Variants in MTHFD1L observed in about 807,000 individuals in gnomAD.
MTHFD1L encodes the protein methylenetetrahydrofolate dehydrogenase (NADP+ dependent) 1 like.
MTHFD1L carries 81 observed loss-of-function variants against 119.5 expected under a neutral mutation model. The ratio of observed to expected loss-of-function variants is 0.68; its 90% confidence interval spans 0.57 to 0.82. MTHFD1L has a LOEUF of 0.82. Ranked by LOEUF, MTHFD1L falls within the 40% of genes least tolerant of loss-of-function variation. The pLI is 0.00. For synonymous variants in MTHFD1L, 430 were observed against 475.2 expected, an observed-to-expected ratio of 0.90 and a Z score of 1.24; for missense variants, 1,125 against 1,253.4, an observed-to-expected ratio of 0.90 and a Z score of 1.55.
chr6:151,017,602 C>T (rs899217795), intron 24 of MTHFD1L, among the ~76,000 whole-genome samples: 4 of 152,120 alleles, frequency 2.6e-5, no homozygotes, highest in African/African-American at 9.7e-5. Flanking sequence ...ACCTCGGCTT[C>T]CCAAAGTGCT....
chr6:151,068,321 G>A (rs990801678), intron 26 of MTHFD1L, among the ~76,000 whole-genome samples: 2 of 152,246 alleles, frequency 1.3e-5, no homozygotes, highest in African/African-American at 2.4e-5. Flanking sequence ...GACCCTTTAA[G>A]AGGAACTTGA....
In MTHFD1L at chr6:150,940,083, T is replaced by TTTGTCAAGGTTC. The variant is rs2128947070; in HGVS notation, c.1440+1340_1440+1341insGTCAAGGTTCTT. On this transcript the variant is annotated intron_variant, in intron 13 of 27. Coordinates refer to ENST00000367321, the MANE Select transcript of MTHFD1L (RefSeq NM_015440.5). ...CTCTTTACCCAGTTTAGTCAAGGTT[T>TTTGTCAAGGTTC]TTTGTCAAGGTTCTTCTCTACCCCA... Among the ~76,000 whole-genome samples the TTTGTCAAGGTTC allele has an allele frequency of 2.0e-5, 3 of 152,276 alleles. No homozygotes were observed. In the South Asian group the frequency reaches 6.2e-4, roughly 32 times the overall value.
intron 27 of MTHFD1L, among the ~76,000 whole-genome samples, chr6:151,096,231 T>C (rs935309540): frequency 1.3e-5 from 2 of 152,334 alleles, no homozygotes; most frequent in Non-Finnish European, 1.5e-5. Context: ...TCATAATTCT[T>C]TTTAGTCCAA....
chr6:150,887,717 A>G (rs556106821), intron 6 of MTHFD1L, 128 bp from the exon 7 acceptor site: 4 of 993,460 alleles, frequency 4.0e-6, no homozygotes, highest in East Asian at 5.6e-5. Flanking sequence ...TCAGCCTCCC[A>G]AAGTGCTGGA....
chr6:151,061,967 GC>G (rs1174874237), intron 26 of MTHFD1L, among the ~76,000 whole-genome samples: 3 of 152,138 alleles, frequency 2.0e-5, no homozygotes, highest in African/African-American at 7.2e-5. Context: ...TATAAATCAG[GC>G]CCTTGTAAGT....
intron 20 of MTHFD1L, among the ~76,000 whole-genome samples, chr6:150,982,690 C>T (rs967621894): frequency 6.6e-6 from 1 of 151,742 alleles, no homozygotes; most frequent in Non-Finnish European, 1.5e-5. Flanking sequence ...CCACGTTTGT[C>T]CTGACACTTC....
intron 26 of MTHFD1L, among the ~76,000 whole-genome samples, chr6:151,072,969 C>G (rs1014119230): frequency 6.7e-6 from 1 of 149,626 alleles, no homozygotes; most frequent in Admixed American, 6.7e-5. Flanking sequence ...ATACATCACT[C>G]AGGGCATTGG....
At chr6:150,941,750 G>T in intron 13 of MTHFD1L, among the ~76,000 whole-genome samples, 1 of 152,122 alleles carries the variant, frequency 6.6e-6, no homozygotes, top group African/African-American at 2.4e-5. Context: ...TTTGAACTGT[G>T]TGGTGTGGGG....
chr6:150,994,610 A>G (rs1779575367), intron 20 of MTHFD1L, among the ~76,000 whole-genome samples: 1 of 152,224 alleles, frequency 6.6e-6, no homozygotes, highest in Non-Finnish European at 1.5e-5. Flanking sequence ...ATTATCTTCT[A>G]AATCAACCAA....
chr6:151,057,456 C>A, intron 26 of MTHFD1L: 1 of 512,976 alleles, frequency 1.9e-6, no homozygotes, highest in Non-Finnish European at 2.5e-6. Context: ...GCCTGGGCAA[C>A]ATAATGAAAA....
At chr6:150,980,725 A>AAAG (rs1554269171) in intron 20 of MTHFD1L, among the ~76,000 whole-genome samples, 1 of 146,120 alleles carries the variant, frequency 6.8e-6, no homozygotes, top group Non-Finnish European at 1.5e-5. Context: ...AAAAAAAAAA[A>AAAG]AGAAAGAAAG....
At chr6:151,027,717 A>G (rs1274768270) in intron 24 of MTHFD1L, among the ~76,000 whole-genome samples, 1 of 151,900 alleles carries the variant, frequency 6.6e-6, no homozygotes, top group Non-Finnish European at 1.5e-5. Flanking sequence ...CTAACAGAAT[A>G]TAAATAGATT....
intron 11 of MTHFD1L, among the ~76,000 whole-genome samples, chr6:150,928,557 C>CT (rs545794923): frequency 0.23 from 31,746 of 138,206 alleles, 3,864 homozygotes; most frequent in African/African-American, 0.3. Context: ...TGTAGCTTTT[C>CT]TTTTTTTTTT....
intron 11 of MTHFD1L, among the ~76,000 whole-genome samples, chr6:150,932,356 AATC>A (rs1409621369): frequency 6.6e-6 from 1 of 152,112 alleles, no homozygotes; most frequent in Non-Finnish European, 1.5e-5. Flanking sequence ...ATTCTAGAAT[AATC>A]ATATAATCAA....
intron 10 of MTHFD1L, 60 bp downstream of exon 10, chr6:150,922,362 A>G: frequency 7.3e-7 from 1 of 1,371,106 alleles, no homozygotes; most frequent in Non-Finnish European, 1.0e-6. Context: ...AGCCCTAGTT[A>G]GTCATGGGGG....
intron 26 of MTHFD1L, among the ~76,000 whole-genome samples, chr6:151,067,424 A>C (rs6904230): frequency 0.39 from 59,903 of 151,722 alleles, 13,325 homozygotes; most frequent in East Asian, 0.75. Flanking sequence ...CCTACGTCCA[A>C]GCAATTATCG....
rs34076992 is a variant in MTHFD1L at position 150,954,614 on chromosome 6, A to T, written c.1727-1381A>T. Among the ~76,000 whole-genome samples, 10 of 151,786 alleles carry T rather than the reference A, an allele frequency of 6.6e-5. No individual in the cohort carries two copies. In the East Asian group the frequency reaches 2.0e-3, roughly 30 times the overall value. On this transcript the variant is annotated intron_variant, in intron 16 of 27. Transcript: ENST00000367321. The stretch of plus-strand genomic sequence containing the variant: ...TGAGACAGGAGAATCGCTTGATCCC[A>T]GGAGGCGAAGGTTGTAGTGAGCCAA...
At chr6:151,042,697 T>G (rs1285433158) in intron 26 of MTHFD1L, among the ~76,000 whole-genome samples, 1 of 152,214 alleles carries the variant, frequency 6.6e-6, no homozygotes, top group Non-Finnish European at 1.5e-5. Context: ...TACTAATATG[T>G]AAGCAAAGTA....
At chr6:151,071,005 C>A (rs1316293093) in intron 26 of MTHFD1L, among the ~76,000 whole-genome samples, 1 of 152,186 alleles carries the variant, frequency 6.6e-6, no homozygotes. Flanking sequence ...AGCTGCCAGC[C>A]AGTCCGTTTA....
Sources: gnomAD v4.1 joint callset for allele counts (sites outside exome capture counted in the v4.1 genomes callset) on GRCh38, gnomAD v4.1.1 for gene constraint, MANE v1.5 for transcripts, NCBI Gene and HGNC (gene_info 2026-07-23, HGNC 2026-07-21) for gene names.